Variants in SCN8A observed in about 807,000 individuals in gnomAD.
SCN8A encodes the protein sodium channel protein type 8 subunit alpha.
Under a neutral mutation model 184.1 loss-of-function variants are expected in SCN8A, and 30 were observed. That is an observed-to-expected ratio of 0.16 (90% CI 0.12 to 0.22). The LOEUF is 0.22. Ranked by LOEUF, SCN8A falls within the 10% of genes least tolerant of loss-of-function variation. The pLI is 1.00. For missense variants in SCN8A, 1,057 were observed against 2,498.9 expected (o/e 0.42, Z 12.30); for synonymous variants, 852 against 907.0 (o/e 0.94, Z 1.09).
At chr12:51,657,384 G>C (rs1592359716) in intron 1 of SCN8A, among the ~76,000 whole-genome samples, 1 of 152,178 alleles carries the variant, frequency 6.6e-6, no homozygotes, top group East Asian at 1.9e-4. Flanking sequence ...CTGATGATAA[G>C]TGATGAGCAT....
chr12:51,623,805 C>T (rs893159636), intron 1 of SCN8A, among the ~76,000 whole-genome samples: 3 of 152,196 alleles, frequency 2.0e-5, no homozygotes, highest in African/African-American at 4.8e-5. Flanking sequence ...TGATGTTCCC[C>T]TTCCTGTGTC....
chr12:51,652,366 TTCC>T (rs1420903181), intron 1 of SCN8A, among the ~76,000 whole-genome samples: 1 of 152,212 alleles, frequency 6.6e-6, no homozygotes, highest in Non-Finnish European at 1.5e-5. Flanking sequence ...CTTCCTGGTC[TTCC>T]TCACTCTGAT....
chr12:51,616,745 C>T (rs776276803), intron 1 of SCN8A, among the ~76,000 whole-genome samples: 1 of 151,082 alleles, frequency 6.6e-6, no homozygotes, highest in African/African-American at 2.4e-5. Flanking sequence ...ATAGGGAGAC[C>T]CCCATCTCTA....
intron 1 of SCN8A, among the ~76,000 whole-genome samples, chr12:51,652,612 A>G (rs2138654917): frequency 6.6e-6 from 1 of 152,272 alleles, no homozygotes; most frequent in Non-Finnish European, 1.5e-5. Context: ...GCAGTACCCA[A>G]GTGGCTTGAT....
intron 13 of SCN8A, among the ~76,000 whole-genome samples, chr12:51,747,437 T>G (rs961864046): frequency 3.3e-5 from 5 of 152,114 alleles, no homozygotes; most frequent in East Asian, 1.9e-4. Context: ...GCCTAAGAAC[T>G]TTGGCTAATT....
chr12:51,596,048 T>G (rs1939341503), intron 1 of SCN8A, among the ~76,000 whole-genome samples: 2 of 152,188 alleles, frequency 1.3e-5, no homozygotes, highest in South Asian at 4.1e-4. Context: ...GCTGGGCTGT[T>G]TTTAGCTGTA....
chr12:51,615,251 T>C (rs921340673), intron 1 of SCN8A, among the ~76,000 whole-genome samples: 6 of 152,188 alleles, frequency 3.9e-5, no homozygotes, highest in Non-Finnish European at 8.8e-5. Flanking sequence ...CCACTTTAAG[T>C]GGAATATAGA....
rs557738454 is a variant in SCN8A at position 51,687,030 on chromosome 12, T to G, written c.486-61T>G. The G allele has an allele frequency of 1.4e-5, 23 of 1,597,842 alleles. No homozygotes were observed. The South Asian group carries it at 2.6e-4, about 18-fold the overall frequency. ...GCAACACTTCAGGCAAGTGCTAACT[T>G]AAAAGGTTCATTTAAAGTTTCTGTC... On this transcript the variant is annotated intron_variant, in intron 4 of 26. Transcript: ENST00000627620.
intron 1 of SCN8A, among the ~76,000 whole-genome samples, chr12:51,602,668 G>T (rs117583598): frequency 6.6e-6 from 1 of 152,234 alleles, no homozygotes; most frequent in East Asian, 1.9e-4. Context: ...ATAGAGTATG[G>T]ATGCTAGTCC....
At chr12:51,751,328 G>A (rs186202454) in intron 13 of SCN8A, 27 bp from the exon 14 acceptor site, 73 of 1,486,954 alleles carry the variant, frequency 4.9e-5, no homozygotes, top group Admixed American at 4.6e-4. Flanking sequence ...GTGATTGAGG[G>A]GCCATCTTTG....
At chr12:51,780,894 A>T (rs1035213967) in intron 21 of SCN8A, 123 bp downstream of exon 21, 9 of 1,201,668 alleles carry the variant, frequency 7.5e-6, no homozygotes, top group Non-Finnish European at 9.6e-6. Flanking sequence ...TGCTGATTTG[A>T]TCCTCCACTC....
chr12:51,648,377 C>G (rs1015578571), intron 1 of SCN8A, among the ~76,000 whole-genome samples: 2 of 152,164 alleles, frequency 1.3e-5, no homozygotes, highest in Admixed American at 1.3e-4. Flanking sequence ...GTAAATGTGT[C>G]TCTATGTAGT....
At chr12:51,664,331 C>T (rs1471937761) in intron 2 of SCN8A, among the ~76,000 whole-genome samples, 1 of 135,292 alleles carries the variant, frequency 7.4e-6, no homozygotes, top group African/African-American at 2.7e-5. Flanking sequence ...CCTCAGCCTC[C>T]TGAGTAGCTG....
At chr12:51,728,226 T>A (rs1237476884) in intron 12 of SCN8A, among the ~76,000 whole-genome samples, 1 of 152,182 alleles carries the variant, frequency 6.6e-6, no homozygotes, top group African/African-American at 2.4e-5. Context: ...AATCAGCCTA[T>A]TTTGATGAAT....
Position 51,689,045 on chromosome 12 carries a change from C to T in SCN8A, c.655C>T (p.Leu219=), listed in dbSNP as rs555695489. 1.9e-6 allele frequency: 3 copies of T among 1,613,996 alleles called. No homozygotes were observed. Among genetic ancestry groups the T allele is most frequent in the Non-Finnish European group, 2.5e-6 (3 of 1,179,996 alleles). ...TGTGGACCTGGGCAATGTCTCAGCG[C>T]TGAGAACATTCAGGGTTCTCCGAGC... The part of the protein sequence containing the change: ...EFVDLGNVSA[L]RTFRVLRALK... Residue 219 remains leucine, a synonymous_variant, in exon 6 of 27, where the codon CTG becomes TTG. Transcript: ENST00000627620.
intron 1 of SCN8A, among the ~76,000 whole-genome samples, chr12:51,652,567 C>A (rs142116231): frequency 4.1e-3 from 631 of 152,304 alleles, no homozygotes; most frequent in Non-Finnish European, 6.9e-3. Context: ...TACCTGTTAG[C>A]TGATTTTCTG....
intron 1 of SCN8A, among the ~76,000 whole-genome samples, chr12:51,634,460 G>C (rs1358070216): frequency 6.6e-6 from 1 of 152,004 alleles, no homozygotes; most frequent in Non-Finnish European, 1.5e-5. Flanking sequence ...CAAATCAACT[G>C]TAATAAAAAG....
intron 2 of SCN8A, among the ~76,000 whole-genome samples, chr12:51,678,210 A>G (rs1166608547): frequency 2.6e-5 from 4 of 152,208 alleles, no homozygotes; most frequent in African/African-American, 9.7e-5. Context: ...TGTTCTCCTG[A>G]GAACAGGGGA....
intron 11 of SCN8A, among the ~76,000 whole-genome samples, chr12:51,721,106 T>TATATAA (rs1179556945): frequency 2.8e-5 from 3 of 106,132 alleles, no homozygotes; most frequent in Admixed American, 1.1e-4. Flanking sequence ...TATATATATA[T>TATATAA]AATATTTATT....
Sources: allele counts gnomAD v4.1 joint callset (sites outside exome capture counted in the v4.1 genomes callset), GRCh38; gene constraint gnomAD v4.1.1; transcripts MANE v1.5; gene names NCBI Gene and HGNC (gene_info 2026-07-23, HGNC 2026-07-21).